The following LRRC8C variants were observed in gnomAD, a reference collection of about 807,000 sequenced individuals.
LRRC8C encodes volume-regulated anion channel subunit LRRC8C.
Under a neutral mutation model 55.3 loss-of-function variants are expected in LRRC8C, and 20 were observed. The observed-to-expected ratio is 0.36, with a 90% CI of 0.25 to 0.53. The LOEUF is 0.53. LRRC8C is among the 20% of genes least tolerant of loss of function. The pLI is 0.92. For missense variants in LRRC8C, 659 were observed against 951.4 expected, an observed-to-expected ratio of 0.69 and a Z score of 4.04; for synonymous variants, 376 against 360.7, an observed-to-expected ratio of 1.04 and a Z score of -0.48.
intron 1 of LRRC8C, among the ~76,000 whole-genome samples, chr1:89,670,148 T>C (rs544529878): frequency 1.1e-3 from 163 of 152,336 alleles, no homozygotes; most frequent in African/African-American, 3.6e-3. Flanking sequence ...ATAGTTATTA[T>C]ATCAGCTTAG....
chr1:89,651,585 A>AC (rs1316461589), intron 1 of LRRC8C, among the ~76,000 whole-genome samples: 37 of 150,882 alleles, frequency 2.5e-4, no homozygotes, highest in African/African-American at 8.6e-4. Flanking sequence ...AAAAAAAAAA[A>AC]AAAAAGCAAC....
rs1657889984 is a variant in LRRC8C, at chr1:89,686,589, G to T, written c.116G>T (p.Gly39Val). 1 of 1,613,988 alleles carries T rather than the reference G, an allele frequency of 6.2e-7. No individual in the cohort carries two copies. The highest frequency in any genetic ancestry group is 1.7e-5 in the Admixed American group (1 of 60,006). ...CTCTCAGTAGCCATGCTCATGATCG[G>T]CGTGTTTGGATGTACTTTACAGGTA... ...DYLSVAMLMIGVFGCTLQVMQ... is the reference protein window; with the variant it reads ...DYLSVAMLMIVVFGCTLQVMQ... Residue 39 changes from glycine (G) to valine (V), a missense_variant, in exon 2 of 3, where the codon GGC becomes GTC. Around this residue, in one of 5 missense-constraint regions of LRRC8C, gnomAD observed 17 missense variants for 38.2 expected, o/e 0.44. Transcript: ENST00000370454.
the LRRC8C span, chr1:89,625,035 G>A: frequency 3.3e-5 from 5 of 152,276 alleles, no homozygotes; most frequent in East Asian, 9.7e-4. Context: ...TTAGAGGAAC[G>A]GCTCTCTCAG....
chr1:89,619,308 AATG>A, the LRRC8C span, among the ~76,000 whole-genome samples: 1 of 152,084 alleles, frequency 6.6e-6, no homozygotes, highest in Non-Finnish European at 1.5e-5. Context: ...GGGGGAAAGA[AATG>A]ATGATTTTAG....
chr1:89,632,293 A>G (rs1656127976), upstream of LRRC8C: 1 of 152,182 alleles, frequency 6.6e-6, no homozygotes. Context: ...CATACTCGTT[A>G]AACAACAGGT....
rs1012076046 is a variant in LRRC8C at position 89,698,302 on chromosome 1, T to G, written c.138+11691T>G. ...TATGAATGCATATGCTTGCCTTAGC[T>G]GTGGTTTGTTCCTCCTTAGGGATAT... On this transcript the variant is annotated intron_variant, in intron 2 of 2. Transcript: ENST00000370454. 2.0e-5 allele frequency among the ~76,000 whole-genome samples: 3 copies of G among 152,322 alleles called. No individual in the cohort carries two copies. In the East Asian group the frequency reaches 5.8e-4, roughly 29 times the overall value.
chr1:89,635,875 A>G (rs1371053338), intron 1 of LRRC8C, among the ~76,000 whole-genome samples: 2 of 152,224 alleles, frequency 1.3e-5, no homozygotes. Context: ...CCAAGATTTT[A>G]TACTTCATTT....
chr1:89,682,030 A>G (rs1657728415), intron 1 of LRRC8C, among the ~76,000 whole-genome samples: 1 of 152,154 alleles, frequency 6.6e-6, no homozygotes, highest in Admixed American at 6.5e-5. Context: ...ACAAAAAATT[A>G]GCCAGGCGTG....
rs1399268782 is a variant in LRRC8C at position 89,638,976 on chromosome 1, T to TTTTATTTTATTTTATTTTA, written c.-5+5658_-5+5676dup. Among the ~76,000 whole-genome samples, 7 of 148,724 alleles carry TTTTATTTTATTTTATTTTA rather than the reference T, an allele frequency of 4.7e-5. No homozygotes were observed. In the Admixed American group the frequency reaches 4.7e-4, roughly 10 times the overall value. On this transcript the variant is annotated intron_variant, in intron 1 of 2. Transcript: ENST00000370454. ...ATTTTTTATTTTACTTATTATTTTA[T>TTTTATTTTATTTTATTTTA]TTTATTTTATTTTATTTTATTTGAG...
rs562709408 is a variant in LRRC8C, at chr1:89,717,795, C to T, written c.*2813C>T. 7.9e-5 allele frequency: 12 copies of T among 152,232 alleles called. No individual in the cohort carries two copies. In the South Asian group the frequency reaches 1.7e-3, roughly 21 times the overall value. 9.4% of individuals were successfully genotyped at this position (152,232 alleles called of 1,614,324 possible). A position where few individuals can be genotyped will look rare whatever the true frequency, so the allele number is the denominator to read the frequency against. ...GAGGGATATTTATCTAACCACTTTC[C>T]GTATTTTACAAGTGCTCTTTCTAAA... is the stretch of plus-strand genomic sequence containing the variant. On this transcript the variant is annotated 3_prime_UTR_variant, in exon 3 of 3. Coordinates refer to ENST00000370454, the MANE Select transcript of LRRC8C (RefSeq NM_032270.5).
At chr1:89,642,245 G>A (rs1570689499) in intron 1 of LRRC8C, among the ~76,000 whole-genome samples, 1 of 152,106 alleles carries the variant, frequency 6.6e-6, no homozygotes, top group East Asian at 1.9e-4. Context: ...ATTCCGTACT[G>A]CCTAAAAAGT....
chr1:89,682,133 C>A (rs1045571236), intron 1 of LRRC8C, among the ~76,000 whole-genome samples: 1 of 152,084 alleles, frequency 6.6e-6, no homozygotes, highest in African/African-American at 2.4e-5. Flanking sequence ...GCCGAGATCG[C>A]GCCATTGCAC....
intron 1 of LRRC8C, among the ~76,000 whole-genome samples, chr1:89,636,501 G>A (rs1656286027): frequency 1.3e-5 from 2 of 152,166 alleles, no homozygotes; most frequent in Middle Eastern, 3.4e-3. Flanking sequence ...CTAACAATAT[G>A]TTGATGGATC....
intron 1 of LRRC8C, among the ~76,000 whole-genome samples, chr1:89,667,957 C>T (rs1233852097): frequency 6.6e-6 from 1 of 151,990 alleles, no homozygotes; most frequent in African/African-American, 2.4e-5. Context: ...GCATTTGAAC[C>T]AGTCTTAGAA....
intron 2 of LRRC8C, among the ~76,000 whole-genome samples, chr1:89,700,630 A>C (rs1294663783): frequency 3.3e-5 from 5 of 152,230 alleles, no homozygotes; most frequent in Non-Finnish European, 1.5e-5. Flanking sequence ...TGATTTTGCT[A>C]TATCCTTCTT....
rs1173674751 is a variant in LRRC8C at position 89,713,467 on chromosome 1, C to G, written c.897C>G (p.Asp299Glu). Reference protein sequence around the residue: ...FTVDCNVDIQDMTGYKNFSCN... With the variant: ...FTVDCNVDIQEMTGYKNFSCN... ...TGGACTGTAATGTGGACATTCAGGA[C>G]ATGACTGGATATAAAAACTTTTCTT... Residue 299 changes from aspartate (D) to glutamate (E), a missense_variant, in exon 3 of 3, where the codon GAC becomes GAG. Coordinates refer to ENST00000370454, the MANE Select transcript of LRRC8C (RefSeq NM_032270.5). This position sits in a 1 kb window ranked among gnomAD's most constrained non-coding sequence, Gnocchi z 5.2. The G allele has an allele frequency of 3.1e-6, 5 of 1,614,060 alleles. No homozygotes were observed. Among genetic ancestry groups the G allele is most frequent in the Non-Finnish European group, 4.2e-6 (5 of 1,180,044 alleles).
At chr1:89,707,134 C>T (rs1165277603) in intron 2 of LRRC8C, among the ~76,000 whole-genome samples, 2 of 151,976 alleles carry the variant, frequency 1.3e-5, no homozygotes, top group African/African-American at 4.8e-5. Flanking sequence ...AGGCCAGGCG[C>T]TGTGGCTCAT....
At position 89,647,757 on chromosome 1, in the gene LRRC8C, A is replaced by C. The variant is rs74758341; in HGVS notation, c.-5+14435A>C. Among the ~76,000 whole-genome samples, 9 of 152,344 alleles carry C rather than the reference A, an allele frequency of 5.9e-5. No individual in the cohort carries two copies. In the East Asian group the frequency reaches 1.7e-3, roughly 29 times the overall value. On this transcript the variant is annotated intron_variant, in intron 1 of 2. Transcript: ENST00000370454. ...TCTCAAAATGTGTTATTTTTCATAC[A>C]AATCACACAGGCCAAACAATGGTGT...
chr1:89,655,543 A>G (rs899953747), intron 1 of LRRC8C, among the ~76,000 whole-genome samples: 1 of 152,210 alleles, frequency 6.6e-6, no homozygotes, highest in Non-Finnish European at 1.5e-5. Context: ...CATAATGAAT[A>G]TAAAATTTTG....
Sources: gnomAD v4.1 joint callset for allele counts (sites outside exome capture counted in the v4.1 genomes callset) on GRCh38, gnomAD v4.1.1 for gene constraint, gnomAD v4.1.1 regional missense constraint, Gnocchi (gnomAD v3.1) non-coding constraint, MANE v1.5 for transcripts, NCBI Gene and HGNC (gene_info 2026-07-23, HGNC 2026-07-21) for gene names.